Variants in KCNQ5 observed in about 807,000 individuals in gnomAD.
KCNQ5 encodes the protein potassium voltage-gated channel subfamily Q member 5.
A neutral mutation model predicts 98.2 loss-of-function variants in KCNQ5; 30 were observed. That is an observed-to-expected ratio of 0.31 (90% CI 0.23 to 0.41). The LOEUF (loss-of-function observed/expected upper bound fraction) is 0.41, where lower values mean the gene tolerates loss of function less well. KCNQ5 is among the 10% of genes least tolerant of loss of function. KCNQ5 has a pLI of 1.00. For missense variants in KCNQ5, 835 were observed against 1,182.5 expected (o/e 0.71, Z 4.31); for synonymous variants, 458 against 449.4 (o/e 1.02, Z -0.24).
rs72937551 is a variant in KCNQ5 at position 72,749,813 on chromosome 6, G to A, written c.398+127226G>A. Among the ~76,000 whole-genome samples, 850 of 152,096 alleles carry A rather than the reference G, an allele frequency of 5.6e-3. 4 individuals carry two copies. Among genetic ancestry groups the A allele is most frequent in the Non-Finnish European group, 0.01 (683 of 67,952 alleles). ...GAGGCATTTGGTTTTTCTTTTCATA[G>A]GACCTTTTTCATTTATTTCTTCAGA... On this transcript the variant is annotated intron_variant, in intron 1 of 13. Coordinates refer to ENST00000370398, the MANE Select transcript of KCNQ5 (RefSeq NM_019842.4).
At chr6:72,867,583 T>C (rs1778037981) in intron 1 of KCNQ5, among the ~76,000 whole-genome samples, 1 of 152,120 alleles carries the variant, frequency 6.6e-6, no homozygotes, top group Non-Finnish European at 1.5e-5. Flanking sequence ...TTGAAGGAAC[T>C]CAAGATGTTT....
At chr6:73,096,729 C>A (rs1013718240) in intron 5 of KCNQ5, among the ~76,000 whole-genome samples, 4 of 152,196 alleles carry the variant, frequency 2.6e-5, no homozygotes, top group African/African-American at 9.7e-5. Flanking sequence ...AACATATCCA[C>A]CACTTCAAAT....
intron 1 of KCNQ5, among the ~76,000 whole-genome samples, chr6:72,671,543 T>TC (rs1164532513): frequency 6.6e-6 from 1 of 152,202 alleles, no homozygotes; most frequent in Admixed American, 6.5e-5. Flanking sequence ...TTTTTATTCA[T>TC]CACTTTAAAC....
At chr6:72,765,449 G>A (rs537087327) in intron 1 of KCNQ5, among the ~76,000 whole-genome samples, 2 of 152,004 alleles carry the variant, frequency 1.3e-5, no homozygotes. Flanking sequence ...TACACTGGGT[G>A]GTCAGGAAAG....
intron 10 of KCNQ5, among the ~76,000 whole-genome samples, chr6:73,157,181 G>C (rs537512387): frequency 6.6e-6 from 1 of 152,220 alleles, no homozygotes; most frequent in African/African-American, 2.4e-5. Context: ...TCGTTTCCTC[G>C]AGCGGGAGCT....
intron 1 of KCNQ5, among the ~76,000 whole-genome samples, chr6:72,810,205 G>A (rs1775175244): frequency 6.6e-6 from 1 of 152,130 alleles, no homozygotes; most frequent in Non-Finnish European, 1.5e-5. Flanking sequence ...TATTATTTAT[G>A]CATGCTTCCT....
intron 1 of KCNQ5, among the ~76,000 whole-genome samples, chr6:72,827,917 G>T (rs566726865): frequency 3.9e-5 from 6 of 152,128 alleles, no homozygotes; most frequent in South Asian, 2.1e-4. Context: ...AGGGTAAGAG[G>T]TGGAAGTCTA....
intron 1 of KCNQ5, among the ~76,000 whole-genome samples, chr6:72,712,096 G>A (rs1247754007): frequency 6.6e-6 from 1 of 152,212 alleles, no homozygotes; most frequent in African/African-American, 2.4e-5. Context: ...GCATGGAACA[G>A]TGCTGGTATA....
At chr6:73,041,450 T>C (rs1410349780) in intron 2 of KCNQ5, among the ~76,000 whole-genome samples, 1 of 152,228 alleles carries the variant, frequency 6.6e-6, no homozygotes, top group African/African-American at 2.4e-5. Flanking sequence ...AAGAATTCAG[T>C]ATACTTCGAA....
intron 1 of KCNQ5, among the ~76,000 whole-genome samples, chr6:72,823,791 C>T (rs1046077768): frequency 1.3e-5 from 2 of 152,042 alleles, no homozygotes; most frequent in African/African-American, 4.8e-5. Context: ...AAAAAAATTC[C>T]GAATTATGCT....
intron 1 of KCNQ5, among the ~76,000 whole-genome samples, chr6:72,745,971 C>G (rs976638017): frequency 2.0e-5 from 3 of 147,892 alleles, no homozygotes; most frequent in Non-Finnish European, 4.5e-5. Flanking sequence ...CTCCAAATTT[C>G]TCTCTCCTTA....
rs1200600600 is a variant in KCNQ5, at chr6:72,939,323, T to C, written c.399-64585T>C. On this transcript the variant is annotated intron_variant, in intron 1 of 13. Coordinates refer to ENST00000370398, the MANE Select transcript of KCNQ5 (RefSeq NM_019842.4). ...GCCAACCCACCACAGCTGGGGGCTCTCCTTCCACTCGGAGTAAGTCTGCAA... is the reference window on the plus strand; with the variant it reads ...GCCAACCCACCACAGCTGGGGGCTCCCCTTCCACTCGGAGTAAGTCTGCAA... Among the ~76,000 whole-genome samples, 3 of 152,184 alleles carry C rather than the reference T, an allele frequency of 2.0e-5. 1 individual carries two copies. Among genetic ancestry groups the C allele is most frequent in the Admixed American group, 2.0e-4 (3 of 15,284 alleles).
intron 1 of KCNQ5, among the ~76,000 whole-genome samples, chr6:72,807,826 T>C (rs1056876043): frequency 1.6e-4 from 25 of 152,142 alleles, no homozygotes; most frequent in African/African-American, 5.8e-4. Context: ...TAATAATCAA[T>C]TGCTCTGTGC....
chr6:72,856,165 G>T (rs542562374), intron 1 of KCNQ5, among the ~76,000 whole-genome samples: 3 of 152,246 alleles, frequency 2.0e-5, no homozygotes, highest in African/African-American at 7.2e-5. Context: ...ATTCTGGAAA[G>T]AGTCCTTCTA....
In KCNQ5 at chr6:73,055,461, C is replaced by T. The variant is rs531155063; in HGVS notation, c.616+13399C>T. On this transcript the variant is annotated intron_variant, in intron 3 of 13. Coordinates refer to ENST00000370398, the MANE Select transcript of KCNQ5 (RefSeq NM_019842.4). ...TGCTCCTATGATGTCCCACCACCTC[C>T]GATGGAGCCCTACCATCCTTTCTAC... 5.2e-4 allele frequency: 804 copies of T among 1,551,804 alleles called. 13 individuals carry two copies. The South Asian group carries it at 8.5e-3, about 16-fold the overall frequency.
chr6:72,639,600 G>A (rs2098926117), intron 1 of KCNQ5, among the ~76,000 whole-genome samples: 1 of 152,158 alleles, frequency 6.6e-6, no homozygotes, highest in Non-Finnish European at 1.5e-5. Context: ...TATTTAGAGA[G>A]CCTCGAATGA....
chr6:72,767,402 G>A (rs771246755), intron 1 of KCNQ5, among the ~76,000 whole-genome samples: 10 of 151,812 alleles, frequency 6.6e-5, no homozygotes, highest in Non-Finnish European at 1.0e-4. Context: ...AAACACAGGA[G>A]TAAATCATTA....
intron 1 of KCNQ5, among the ~76,000 whole-genome samples, chr6:72,649,721 G>A (rs1165150201): frequency 6.6e-6 from 1 of 152,066 alleles, no homozygotes; most frequent in East Asian, 1.9e-4. Flanking sequence ...TAATTCAGAT[G>A]AAGCATTACA....
At chr6:73,155,387 T>C (rs987160385) in intron 10 of KCNQ5, among the ~76,000 whole-genome samples, 32 of 152,148 alleles carry the variant, frequency 2.1e-4, no homozygotes, top group African/African-American at 6.8e-4. Flanking sequence ...CACCTAGAAA[T>C]TACCAGCCAA....
Sources: allele counts gnomAD v4.1 joint callset (sites outside exome capture counted in the v4.1 genomes callset), GRCh38; gene constraint gnomAD v4.1.1; transcripts MANE v1.5; gene names NCBI Gene and HGNC (gene_info 2026-07-23, HGNC 2026-07-21).